PSPH: variants seen among roughly 807,000 people sequenced by gnomAD.
PSPH encodes phosphoserine phosphatase, also known as L-3-phosphoserine phosphatase.
A neutral mutation model predicts 23.4 loss-of-function variants in PSPH; 16 were observed. That is an observed-to-expected ratio of 0.68 (90% CI 0.46 to 1.04). The LOEUF is 1.04. Among genes scored for constraint, PSPH ranks in the 50% least tolerant of loss-of-function variants. The pLI is 0.00. For synonymous variants in PSPH, 68 were observed against 99.7 expected, an observed-to-expected ratio of 0.68 and a Z score of 1.89; for missense variants, 223 against 273.7, an observed-to-expected ratio of 0.81 and a Z score of 1.31.
chr7:56,043,586 G>A (rs1792831223), intron 1 of PSPH, among the ~76,000 whole-genome samples: 1 of 151,822 alleles, frequency 6.6e-6, no homozygotes, highest in Non-Finnish European at 1.5e-5. Flanking sequence ...GGAGGCCAAG[G>A]TAGGAGGATC....
chr7:56,012,662 T>C (rs1164503674), intron 7 of PSPH, among the ~76,000 whole-genome samples: 1 of 151,284 alleles, frequency 6.6e-6, no homozygotes, highest in East Asian at 2.0e-4. Flanking sequence ...TGGTAGCTCA[T>C]GCCTGTAATC....
chr7:56,041,326 C>A (rs1792511324), intron 1 of PSPH, among the ~76,000 whole-genome samples: 1 of 151,294 alleles, frequency 6.6e-6, no homozygotes, highest in Non-Finnish European at 1.5e-5. Flanking sequence ...GATTCTTCTG[C>A]CTCAGCCTCC....
intron 1 of PSPH, among the ~76,000 whole-genome samples, chr7:56,036,602 C>T (rs1159224298): frequency 6.6e-6 from 1 of 151,210 alleles, no homozygotes; most frequent in African/African-American, 2.4e-5. Flanking sequence ...GTACTCCAGT[C>T]TGGGTAACAG....
intron 3 of PSPH, among the ~76,000 whole-genome samples, chr7:56,021,883 G>C (rs1228455898): frequency 6.7e-6 from 1 of 150,028 alleles, no homozygotes; most frequent in African/African-American, 2.4e-5. Context: ...CTGGGAGGTG[G>C]AGCTTGCGGT....
At chr7:56,024,210 C>T (rs984371054) in intron 3 of PSPH, among the ~76,000 whole-genome samples, 3 of 151,574 alleles carry the variant, frequency 2.0e-5, no homozygotes, top group African/African-American at 7.3e-5. Context: ...CCACCGCGCC[C>T]GGCCTACTTT....
At position 56,041,133 on chromosome 7, in the gene PSPH, G is replaced by A. The variant is rs1437633983; in HGVS notation, c.-291-7027C>T. ...AATCCAAACACTTTGGGAGGCCAAG[G>A]CGAGAGGATTGCTTGAGCCCAGGAA... On this transcript the variant is annotated intron_variant, in intron 1 of 7. Coordinates refer to ENST00000275605, the MANE Select transcript of PSPH (RefSeq NM_004577.4). Among the ~76,000 whole-genome samples, 4 of 151,940 alleles carry A rather than the reference G, an allele frequency of 2.6e-5. No homozygotes were observed. The East Asian group carries it at 7.7e-4, about 29-fold the overall frequency.
At chr7:56,026,408 G>A (rs1790194315) in intron 3 of PSPH, among the ~76,000 whole-genome samples, 1 of 150,230 alleles carries the variant, frequency 6.7e-6, no homozygotes, top group Admixed American at 6.7e-5. Flanking sequence ...TCTGGGAGGT[G>A]GAGACATGGA....
At chr7:56,030,370 A>T (rs1275541557) in intron 3 of PSPH, among the ~76,000 whole-genome samples, 1 of 151,804 alleles carries the variant, frequency 6.6e-6, no homozygotes, top group Non-Finnish European at 1.5e-5. Context: ...TCGGCCTCCC[A>T]AAGTGCTGGG....
chr7:56,034,827 T>C (rs998256606), intron 1 of PSPH, among the ~76,000 whole-genome samples: 7 of 152,034 alleles, frequency 4.6e-5, no homozygotes, highest in African/African-American at 1.4e-4. Flanking sequence ...AGACTACTTA[T>C]ATTCTTAATT....
intron 1 of PSPH, among the ~76,000 whole-genome samples, chr7:56,044,474 A>G (rs1274042385): frequency 6.6e-6 from 1 of 152,214 alleles, no homozygotes; most frequent in Admixed American, 6.6e-5. Flanking sequence ...AGATTATGGA[A>G]TAAATGAAGT....
intron 3 of PSPH, among the ~76,000 whole-genome samples, chr7:56,030,351 C>T (rs1250799478): frequency 6.6e-6 from 1 of 150,500 alleles, no homozygotes. Context: ...CTCAGGAGTT[C>T]TGCTCACCTC....
intron 1 of PSPH, among the ~76,000 whole-genome samples, chr7:56,044,007 A>G (rs928186395): frequency 6.6e-6 from 1 of 152,118 alleles, no homozygotes; most frequent in Non-Finnish European, 1.5e-5. Flanking sequence ...CCCAGGCTGA[A>G]GTGCAATGGC....
chr7:56,036,286 C>CA, intron 1 of PSPH, among the ~76,000 whole-genome samples: 1 of 151,910 alleles, frequency 6.6e-6, no homozygotes, highest in Non-Finnish European at 1.5e-5. Flanking sequence ...TGTTAAACAC[C>CA]AAATGTTTGT....
At chr7:56,017,419 C>T (rs981123986) in intron 5 of PSPH, 40 bp from the exon 6 acceptor site, 2 of 584,128 alleles carry the variant, frequency 3.4e-6, no homozygotes, top group Non-Finnish European at 4.3e-6. Context: ...CTGAGTAATA[C>T]AAAAGAAAAA....
chr7:56,021,343 A>T (rs1454153804), intron 3 of PSPH, 112 bp from the exon 4 acceptor site: 1 of 985,448 alleles, frequency 1.0e-6, no homozygotes, highest in East Asian at 2.6e-5. Flanking sequence ...AGGCCACATA[A>T]GAGTGTTCTC....
chr7:56,038,393 A>G (rs1247666358), intron 1 of PSPH, among the ~76,000 whole-genome samples: 1 of 152,010 alleles, frequency 6.6e-6, no homozygotes, highest in Non-Finnish European at 1.5e-5. Flanking sequence ...CAAGAGGCGG[A>G]GCTTGCAGTG....
rs1389084423 is a variant in PSPH at position 56,015,020 on chromosome 7, T to G, written c.570+3A>C. 6.2e-7 allele frequency: 1 copy of G among 1,613,742 alleles called. No homozygotes were observed. Among genetic ancestry groups the G allele is most frequent in the Admixed American group, 1.7e-5 (1 of 59,976 alleles). On this transcript the variant is annotated splice_donor_region_variant and intron_variant, in intron 7 of 7. Coordinates refer to ENST00000275605, the MANE Select transcript of PSPH (RefSeq NM_004577.4). Reference sequence around the variant, plus strand: ...AAAAAAAATTAGCACCCTTAATACATACAGCAGGAGGACAGGCTTCCATAT... The same window carrying G: ...AAAAAAAATTAGCACCCTTAATACAGACAGCAGGAGGACAGGCTTCCATAT...
At chr7:56,017,526 G>T in intron 5 of PSPH, 147 bp from the exon 6 acceptor site, 1 of 1,466,776 alleles carries the variant, frequency 6.8e-7, no homozygotes, top group Non-Finnish European at 9.1e-7. Context: ...ACTGCCTGGG[G>T]TGTTAATGTT....
At chr7:56,045,313 T>G (rs1297723397) in intron 1 of PSPH, among the ~76,000 whole-genome samples, 1 of 152,074 alleles carries the variant, frequency 6.6e-6, no homozygotes, top group African/African-American at 2.4e-5. Context: ...AAGACCAGCC[T>G]GAGCAACATA....
Sources: gnomAD v4.1 joint callset for allele counts (sites outside exome capture counted in the v4.1 genomes callset) on GRCh38, gnomAD v4.1.1 for gene constraint, MANE v1.5 for transcripts, NCBI Gene and HGNC (gene_info 2026-07-23, HGNC 2026-07-21) for gene names.